The following ERBB4 variants were observed in gnomAD, a reference collection of about 807,000 sequenced individuals.
ERBB4 encodes the protein receptor tyrosine-protein kinase erbB-4.
A neutral mutation model predicts 158.0 loss-of-function variants in ERBB4; 42 were observed. The ratio of observed to expected loss-of-function variants is 0.27; its 90% CI spans 0.21 to 0.34. The LOEUF (loss-of-function observed/expected upper bound fraction) is 0.34, where lower values mean the gene tolerates loss of function less well. Ranked by LOEUF, ERBB4 falls within the 10% of genes least tolerant of loss-of-function variation. The probability of loss-of-function intolerance (pLI) is 1.00; values close to 1 mark genes in which losing one functional copy is unlikely to be tolerated. For synonymous variants in ERBB4, 583 were observed against 558.7 expected (o/e 1.04, Z -0.61); for missense variants, 1,333 against 1,624.1 (o/e 0.82, Z 3.08).
intron 20 of ERBB4, among the ~76,000 whole-genome samples, chr2:211,552,769 T>A (rs1301184536): frequency 1.3e-5 from 2 of 152,178 alleles, no homozygotes; most frequent in African/African-American, 4.8e-5. Flanking sequence ...CAAAAGATAG[T>A]TTCCTTAGAG....
chr2:212,415,307 C>T (rs2091620976), intron 1 of ERBB4, among the ~76,000 whole-genome samples: 1 of 152,060 alleles, frequency 6.6e-6, no homozygotes, highest in Admixed American at 6.6e-5. Context: ...TAGCTCTACT[C>T]CACCATCCTA....
intron 25 of ERBB4, among the ~76,000 whole-genome samples, chr2:211,414,956 A>AAATC (rs2063349900): frequency 6.6e-6 from 1 of 152,074 alleles, no homozygotes; most frequent in African/African-American, 2.4e-5. Context: ...TATTTAATTT[A>AAATC]AATCACTTAG....
At chr2:212,371,850 A>G (rs2090099163) in intron 1 of ERBB4, among the ~76,000 whole-genome samples, 1 of 152,190 alleles carries the variant, frequency 6.6e-6, no homozygotes. Flanking sequence ...AAAAAAAAGC[A>G]TGAAAGTGAT....
chr2:212,149,178 A>AATT (rs1559599554), intron 1 of ERBB4, among the ~76,000 whole-genome samples: 47 of 143,978 alleles, frequency 3.3e-4, no homozygotes, highest in African/African-American at 1.1e-3. Flanking sequence ...TTAAAAAAAA[A>AATT]TTTTAAAAAA....
chr2:211,384,600 A>C (rs1197680086), intron 27 of ERBB4, among the ~76,000 whole-genome samples: 3 of 152,152 alleles, frequency 2.0e-5, no homozygotes, highest in African/African-American at 7.2e-5. Flanking sequence ...ATGCTTCTGA[A>C]AAAGGTTTTA....
chr2:211,793,124 C>T (rs1458633600), intron 3 of ERBB4, among the ~76,000 whole-genome samples: 1 of 151,850 alleles, frequency 6.6e-6, no homozygotes, highest in Non-Finnish European at 1.5e-5. Context: ...CAATTTGTAA[C>T]CATTTTGTGA....
chr2:211,909,438 CT>C (rs1398515358), intron 3 of ERBB4, among the ~76,000 whole-genome samples: 1 of 151,700 alleles, frequency 6.6e-6, no homozygotes, highest in Non-Finnish European at 1.5e-5. Flanking sequence ...TTACACAAAC[CT>C]AGATGGTATA....
chr2:212,371,132 G>A (rs896298678), intron 1 of ERBB4, among the ~76,000 whole-genome samples: 2 of 152,208 alleles, frequency 1.3e-5, no homozygotes, highest in South Asian at 2.1e-4. Context: ...GCCCAATCAC[G>A]TTGGGCAAGG....
chr2:211,563,579 G>A (rs1332220371), intron 19 of ERBB4, among the ~76,000 whole-genome samples: 1 of 152,012 alleles, frequency 6.6e-6, no homozygotes, highest in East Asian at 1.9e-4. Context: ...AACATTCTTG[G>A]GATAATTGAG....
intron 13 of ERBB4, among the ~76,000 whole-genome samples, chr2:211,674,399 A>G (rs1383102451): frequency 1.3e-5 from 2 of 152,130 alleles, no homozygotes; most frequent in East Asian, 3.9e-4. Context: ...ATGATGAGCT[A>G]TCTTTTCTGC....
chr2:211,724,289 T>C (rs1342673838), intron 6 of ERBB4, among the ~76,000 whole-genome samples: 2 of 152,088 alleles, frequency 1.3e-5, no homozygotes, highest in African/African-American at 2.4e-5. Context: ...AAGAAATTAC[T>C]GTCTATATCA....
At chr2:211,689,077 C>A (rs1373136883) in intron 12 of ERBB4, among the ~76,000 whole-genome samples, 1 of 148,366 alleles carries the variant, frequency 6.7e-6, no homozygotes, top group Non-Finnish European at 1.5e-5. Flanking sequence ...AATGGCTTAT[C>A]AACAGTTTCT....
intron 1 of ERBB4, among the ~76,000 whole-genome samples, chr2:212,260,569 T>A (rs1373027703): frequency 6.6e-6 from 1 of 152,120 alleles, no homozygotes; most frequent in Non-Finnish European, 1.5e-5. Context: ...TCCCAGCACT[T>A]TGGGAGGCCG....
At chr2:211,739,843 A>C (rs926270059) in intron 5 of ERBB4, among the ~76,000 whole-genome samples, 7 of 152,270 alleles carry the variant, frequency 4.6e-5, no homozygotes, top group Admixed American at 2.6e-4. Flanking sequence ...GATTAAATAT[A>C]GTTAAAAATA....
At chr2:211,852,416 T>C (rs1398340535) in intron 3 of ERBB4, among the ~76,000 whole-genome samples, 1 of 151,844 alleles carries the variant, frequency 6.6e-6, no homozygotes, top group African/African-American at 2.4e-5. Flanking sequence ...ATCATTTTAT[T>C]TGGGAGAAGG....
At chr2:211,487,672 A>G (rs947948524) in intron 20 of ERBB4, among the ~76,000 whole-genome samples, 6 of 152,098 alleles carry the variant, frequency 3.9e-5, no homozygotes, top group Admixed American at 3.3e-4. Flanking sequence ...CCCCACTGGT[A>G]AAGTGATTCA....
intron 1 of ERBB4, among the ~76,000 whole-genome samples, chr2:212,526,119 TATAA>T (rs1446093055): frequency 6.6e-6 from 1 of 152,090 alleles, no homozygotes; most frequent in East Asian, 1.9e-4. Context: ...TTATATAGCC[TATAA>T]ATATTGAGTG....
chr2:211,641,206 A>G (rs1012154542), intron 16 of ERBB4, among the ~76,000 whole-genome samples: 4 of 152,090 alleles, frequency 2.6e-5, no homozygotes, highest in Admixed American at 6.6e-5. Flanking sequence ...TTCTCTAGGA[A>G]CATTCAAAAT....
intron 2 of ERBB4, among the ~76,000 whole-genome samples, chr2:211,982,609 G>T (rs1238094379): frequency 6.6e-6 from 1 of 152,150 alleles, no homozygotes; most frequent in Non-Finnish European, 1.5e-5. Context: ...TTGGACAAAA[G>T]GAATACTGGG....
Sources: gnomAD v4.1 joint callset for allele counts (sites outside exome capture counted in the v4.1 genomes callset) on GRCh38, gnomAD v4.1.1 for gene constraint, MANE v1.5 for transcripts, NCBI Gene and HGNC (gene_info 2026-07-23, HGNC 2026-07-21) for gene names.